The following LAMA2 variants were observed in gnomAD, a reference collection of about 807,000 sequenced individuals.
LAMA2 encodes laminin subunit alpha-2.
LAMA2 carries 269 observed loss-of-function variants against 364.8 expected under a neutral mutation model. That is an observed-to-expected ratio of 0.74 (90% CI 0.67 to 0.82). The LOEUF is 0.82. Ranked by LOEUF, LAMA2 falls within the 40% of genes least tolerant of loss-of-function variation. The probability of loss-of-function intolerance (pLI) is 0.00; values close to 1 mark genes in which losing one functional copy is unlikely to be tolerated. For missense variants in LAMA2, 3,807 were observed against 3,873.2 expected, an observed-to-expected ratio of 0.98 and a Z score of 0.45; for synonymous variants, 1,379 against 1,370.6, an observed-to-expected ratio of 1.01 and a Z score of -0.14.
At chr6:128,915,291 T>TA (rs1305155759) in intron 1 of LAMA2, among the ~76,000 whole-genome samples, 1 of 152,188 alleles carries the variant, frequency 6.6e-6, no homozygotes. Flanking sequence ...TCTTTTTCTT[T>TA]AAAAAAATAC....
chr6:129,382,392 G>T (rs561905527), intron 34 of LAMA2, among the ~76,000 whole-genome samples: 1 of 152,278 alleles, frequency 6.6e-6, no homozygotes, highest in South Asian at 2.1e-4. Context: ...ATGCATTCCA[G>T]TGTGTCAAAT....
At chr6:129,288,228 C>T in intron 19 of LAMA2, among the ~76,000 whole-genome samples, 170 bp downstream of exon 19, 1 of 152,090 alleles carries the variant, frequency 6.6e-6, no homozygotes, top group East Asian at 1.9e-4. Flanking sequence ...CTTGTACTAA[C>T]TAATAGAGTA....
At chr6:129,459,216 T>C (rs1037433462) in intron 48 of LAMA2, among the ~76,000 whole-genome samples, 1 of 152,046 alleles carries the variant, frequency 6.6e-6, no homozygotes, top group Non-Finnish European at 1.5e-5. Context: ...CAGTTGTAAC[T>C]CAATGGTAAG....
chr6:129,383,068 G>A (rs1375087407), intron 34 of LAMA2, 54 bp from the exon 35 acceptor site: 3 of 1,429,380 alleles, frequency 2.1e-6, no homozygotes, highest in Non-Finnish European at 3.0e-6. Flanking sequence ...AGCTTATCTA[G>A]CTGTAGCTTC....
intron 52 of LAMA2, among the ~76,000 whole-genome samples, chr6:129,474,468 A>C (rs970546632): frequency 1.3e-5 from 2 of 152,304 alleles, no homozygotes; most frequent in African/African-American, 4.8e-5. Context: ...AAACATTACA[A>C]ATCAAATTTA....
chr6:129,359,567 G>A (rs1777346489), intron 32 of LAMA2, among the ~76,000 whole-genome samples: 2 of 133,098 alleles, frequency 1.5e-5, no homozygotes, highest in African/African-American at 5.7e-5. Flanking sequence ...GGGAAAAAGG[G>A]AAGTGAGAAA....
chr6:129,004,914 C>A (rs963168819), intron 1 of LAMA2, among the ~76,000 whole-genome samples: 1 of 152,028 alleles, frequency 6.6e-6, no homozygotes, highest in African/African-American at 2.4e-5. Flanking sequence ...GACACTATTT[C>A]ATCTTGATTT....
intron 12 of LAMA2, among the ~76,000 whole-genome samples, chr6:129,247,939 A>G (rs1460522275): frequency 2.0e-5 from 3 of 151,158 alleles, no homozygotes; most frequent in Non-Finnish European, 3.0e-5. Flanking sequence ...CCCCCTTCCC[A>G]CCTCTAATTC....
chr6:129,146,313 T>TA lies in LAMA2; in HGVS notation c.820-640dup, dbSNP rs547377958. Among the ~76,000 whole-genome samples the TA allele has an allele frequency of 4.3e-4, 66 of 152,112 alleles. 1 individual carries two copies. Among genetic ancestry groups the TA allele is most frequent in the South Asian group, 1.2e-3 (6 of 4,824 alleles). On this transcript the variant is annotated intron_variant, in intron 5 of 64. Transcript: ENST00000421865. ...ATAGTCTAGCCTCCATAATTATCCT[T>TA]AAAAAATAGCTGGGTAGATTAAAAT... is the stretch of plus-strand genomic sequence containing the variant.
intron 4 of LAMA2, among the ~76,000 whole-genome samples, chr6:129,123,034 G>A (rs1001595730): frequency 1.3e-5 from 2 of 152,152 alleles, no homozygotes; most frequent in African/African-American, 4.8e-5. Flanking sequence ...GGGTGTGGTG[G>A]CTCAAGCCTG....
At chr6:129,009,732 T>C (rs1784651308) in intron 1 of LAMA2, among the ~76,000 whole-genome samples, 1 of 152,144 alleles carries the variant, frequency 6.6e-6, no homozygotes, top group Non-Finnish European at 1.5e-5. Context: ...AGTGAGTTCT[T>C]TATATATACA....
In LAMA2 at chr6:129,234,847, C is replaced by T. The variant is rs1383170488; in HGVS notation, c.1783-15265C>T. On this transcript the variant is annotated intron_variant, in intron 12 of 64. Transcript: ENST00000421865. Reference sequence around the variant, plus strand: ...TTATCGACTCTGTGTCTTTATGAAACTAGATAAAGCAAAGAAAAATCTGTC... The same window carrying T: ...TTATCGACTCTGTGTCTTTATGAAATTAGATAAAGCAAAGAAAAATCTGTC... Among the ~76,000 whole-genome samples the T allele has an allele frequency of 2.0e-5, 3 of 152,106 alleles. No individual in the cohort carries two copies. The East Asian group carries it at 5.8e-4, about 29-fold the overall frequency.
intron 22 of LAMA2, among the ~76,000 whole-genome samples, chr6:129,312,266 C>T (rs1774275504): frequency 6.6e-6 from 1 of 151,976 alleles, no homozygotes. Context: ...CTAACAGAGA[C>T]CTCAAATCAG....
At chr6:129,207,489 T>C (rs1207143660) in intron 12 of LAMA2, among the ~76,000 whole-genome samples, 1 of 152,150 alleles carries the variant, frequency 6.6e-6, no homozygotes, top group Admixed American at 6.5e-5. Context: ...TTATATTTGA[T>C]GTGGGTTGGA....
chr6:129,048,489 TTTCTTTCCTTCCTTCC>T (rs1254226627), intron 1 of LAMA2, among the ~76,000 whole-genome samples: 183 of 70,710 alleles, frequency 2.6e-3, no homozygotes, highest in Middle Eastern at 7.1e-3. Context: ...TCTTTCTTTC[TTTCTTTCCTTCCTTCC>T]TTCCTTCCTT....
intron 41 of LAMA2, among the ~76,000 whole-genome samples, chr6:129,429,194 T>G (rs1229478882): frequency 6.6e-6 from 1 of 152,206 alleles, no homozygotes; most frequent in African/African-American, 2.4e-5. Flanking sequence ...CTGGTATAGT[T>G]TTCTCATAGG....
chr6:129,017,940 A>T (rs1420575265), intron 1 of LAMA2, among the ~76,000 whole-genome samples: 2 of 152,060 alleles, frequency 1.3e-5, no homozygotes, highest in African/African-American at 4.8e-5. Context: ...GTCTAAATAT[A>T]TGCACAGCAA....
intron 11 of LAMA2, 37 bp from the exon 12 acceptor site, chr6:129,192,643 T>G (rs747863973): frequency 3.1e-6 from 5 of 1,595,526 alleles, no homozygotes; most frequent in African/African-American, 2.7e-5. Context: ...GATAGATATT[T>G]TTTAAAAATT....
chr6:128,938,035 C>T (rs933233299), intron 1 of LAMA2, among the ~76,000 whole-genome samples: 1 of 151,882 alleles, frequency 6.6e-6, no homozygotes, highest in African/African-American at 2.4e-5. Flanking sequence ...CTTCTTTGAC[C>T]CATTGGTCAT....
Sources: allele counts gnomAD v4.1 joint callset (sites outside exome capture counted in the v4.1 genomes callset), GRCh38; gene constraint gnomAD v4.1.1; transcripts MANE v1.5; gene names NCBI Gene and HGNC (gene_info 2026-07-23, HGNC 2026-07-21).